MMP16: variants seen among roughly 807,000 people sequenced by gnomAD.
MMP16 encodes matrix metallopeptidase 16, also known as matrix metalloproteinase-16.
In MMP16, 12 loss-of-function variants were observed where a neutral mutation model predicts 67.8. The observed-to-expected ratio is 0.18, with a 90% CI of 0.11 to 0.29. MMP16 has a LOEUF of 0.29. Among genes scored for constraint, MMP16 ranks in the 10% least tolerant of loss-of-function variants. MMP16 has a pLI of 1.00. For synonymous variants in MMP16, 249 were observed against 255.9 expected (o/e 0.97, Z 0.26); for missense variants, 475 against 765.7 (o/e 0.62, Z 4.48).
chr8:88,327,304 G>A lies in MMP16; in HGVS notation c.-98C>T, dbSNP rs1811556695. The A allele has an allele frequency of 1.3e-6, 2 of 1,527,986 alleles. No individual in the cohort carries two copies. Among genetic ancestry groups the A allele is most frequent in the South Asian group, 1.2e-5 (1 of 86,190 alleles). 94.7% of individuals were successfully genotyped at this position (1,527,986 alleles called of 1,614,324 possible). On this transcript the variant is annotated 5_prime_UTR_variant, in exon 1 of 10. Transcript: ENST00000286614. ...GTTTCCTTTCAAAAAAAAGTCCTCC[G>A]GGTGGGTAAGGAGCCTGCAGGTTCA...
intron 4 of MMP16, among the ~76,000 whole-genome samples, chr8:88,120,987 C>G (rs1249339082): frequency 6.6e-6 from 1 of 151,224 alleles, no homozygotes; most frequent in African/African-American, 2.4e-5. Context: ...TGCTTTCAGT[C>G]AAAACTAAAA....
intron 1 of MMP16, among the ~76,000 whole-genome samples, chr8:88,260,040 G>T (rs1169766817): frequency 6.6e-6 from 1 of 152,062 alleles, no homozygotes; most frequent in Non-Finnish European, 1.5e-5. Context: ...GAGGTGAAAA[G>T]CTACATATTC....
At chr8:88,320,134 T>C (rs1362423217) in intron 1 of MMP16, among the ~76,000 whole-genome samples, 1 of 152,186 alleles carries the variant, frequency 6.6e-6, no homozygotes, top group Non-Finnish European at 1.5e-5. Context: ...GAAACCACAC[T>C]GTTTCACACT....
intron 6 of MMP16, among the ~76,000 whole-genome samples, chr8:88,098,757 A>C (rs1563530995): frequency 6.6e-6 from 1 of 151,952 alleles, no homozygotes; most frequent in African/African-American, 2.4e-5. Context: ...TATCAAAGAA[A>C]ATACAAGTAT....
intron 1 of MMP16, among the ~76,000 whole-genome samples, chr8:88,206,289 G>T (rs966074004): frequency 6.6e-6 from 1 of 152,006 alleles, no homozygotes; most frequent in Non-Finnish European, 1.5e-5. Context: ...ATATAGAAAA[G>T]TCCTCAAATA....
Position 88,032,493 on chromosome 8 carries a change from T to C in MMP16, c.*8968A>G, listed in dbSNP as rs1260376461. ...ACTAGTCAACCACTTTATTTAACAA[T>C]GTGCTATGAGGCCTTGATTTACTAA... is the stretch of plus-strand genomic sequence containing the variant. On this transcript the variant is annotated 3_prime_UTR_variant, in exon 10 of 10. Transcript: ENST00000286614. 1 of 152,164 alleles carries C rather than the reference T, an allele frequency of 6.6e-6. No individual in the cohort carries two copies. The highest frequency in any genetic ancestry group is 1.5e-5 in the Non-Finnish European group (1 of 68,024). The allele number at this position is 152,164 out of a possible 1,614,324, so 9.4% of individuals were successfully genotyped here. A position where few individuals can be genotyped will look rare whatever the true frequency, so the allele number is the denominator to read the frequency against.
chr8:88,124,590 G>A (rs1807894785), intron 4 of MMP16, among the ~76,000 whole-genome samples: 3 of 151,932 alleles, frequency 2.0e-5, no homozygotes, highest in South Asian at 4.1e-4. Context: ...ACCCTGTCAA[G>A]CCACCTTCAA....
chr8:88,280,951 T>C (rs939205526), intron 1 of MMP16, among the ~76,000 whole-genome samples: 12 of 152,154 alleles, frequency 7.9e-5, no homozygotes, highest in African/African-American at 2.9e-4. Flanking sequence ...CCCAATATTT[T>C]AATATATCAG....
intron 6 of MMP16, among the ~76,000 whole-genome samples, chr8:88,099,029 A>G (rs1030119279): frequency 2.0e-5 from 3 of 151,812 alleles, no homozygotes; most frequent in Non-Finnish European, 2.9e-5. Flanking sequence ...GAAATAAGTG[A>G]TAAGTTGAAA....
At chr8:88,056,811 C>T (rs1171833086) in intron 7 of MMP16, among the ~76,000 whole-genome samples, 1 of 152,122 alleles carries the variant, frequency 6.6e-6, no homozygotes, top group Non-Finnish European at 1.5e-5. Context: ...CTCATGCCCT[C>T]TTATAACTGT....
At chr8:88,055,398 G>T (rs996059063) in intron 8 of MMP16, among the ~76,000 whole-genome samples, 1 of 152,054 alleles carries the variant, frequency 6.6e-6, no homozygotes, top group Non-Finnish European at 1.5e-5. Context: ...AGTAGAGACG[G>T]GGTTTCGCCA....
chr8:88,318,154 T>C (rs1393383009), intron 1 of MMP16, among the ~76,000 whole-genome samples: 1 of 152,208 alleles, frequency 6.6e-6, no homozygotes, highest in Non-Finnish European at 1.5e-5. Context: ...CACTACATTT[T>C]CTGTATTGTT....
intron 1 of MMP16, among the ~76,000 whole-genome samples, chr8:88,260,244 C>T (rs1318308386): frequency 6.6e-6 from 1 of 152,034 alleles, no homozygotes; most frequent in Non-Finnish European, 1.5e-5. Flanking sequence ...ATTGTCATTC[C>T]TATGAAACAG....
rs1420965439 is a variant in MMP16, at chr8:88,033,070, T to C, written c.*8391A>G. ...TTATTTAAATAAAGTCTGTATTAAT[T>C]TTAATTCTTTTACTTTCCCATAACC... On this transcript the variant is annotated 3_prime_UTR_variant, in exon 10 of 10. Transcript: ENST00000286614. 5.9e-5 allele frequency: 9 copies of C among 151,964 alleles called. No individual in the cohort carries two copies. Among genetic ancestry groups the C allele is most frequent in the Non-Finnish European group, 2.9e-5 (2 of 67,910 alleles). The allele number at this position is 151,964 out of a possible 1,614,324, so 9.4% of individuals were successfully genotyped here. A position where few individuals can be genotyped will look rare whatever the true frequency, so the allele number is the denominator to read the frequency against.
intron 4 of MMP16, among the ~76,000 whole-genome samples, chr8:88,163,864 G>A (rs1301286903): frequency 6.6e-6 from 1 of 151,972 alleles, no homozygotes; most frequent in Admixed American, 6.6e-5. Flanking sequence ...AGTTAATGAT[G>A]TTAACTGTTT....
In MMP16 at chr8:88,300,520, C is replaced by T. The variant is rs28904268; in HGVS notation, c.132+26555G>A. Among the ~76,000 whole-genome samples the T allele has an allele frequency of 9.4e-3, 1,435 of 152,246 alleles. 15 individuals carry two copies. The highest frequency in any genetic ancestry group is 0.037 in the South Asian group (177 of 4,826). On this transcript the variant is annotated intron_variant, in intron 1 of 9. Transcript: ENST00000286614. Reference sequence around the variant, plus strand: ...TACCTCTCTCTGTTATCAGATCACCCGTTGTGAGATAACAGTGCTTGCATT... The same window carrying T: ...TACCTCTCTCTGTTATCAGATCACCTGTTGTGAGATAACAGTGCTTGCATT...
intron 4 of MMP16, among the ~76,000 whole-genome samples, chr8:88,164,890 A>C (rs973823827): frequency 2.0e-5 from 3 of 151,812 alleles, no homozygotes; most frequent in African/African-American, 7.3e-5. Flanking sequence ...ATATTTCAGA[A>C]TTTCTTCCCA....
chr8:88,069,313 A>T (rs2664347), intron 7 of MMP16: 269,806 of 360,758 alleles, frequency 0.75, 101,707 homozygotes, highest in African/African-American at 0.85. Flanking sequence ...TTTGGTGTTT[A>T]CGAATGCAAT....
intron 1 of MMP16, among the ~76,000 whole-genome samples, chr8:88,269,802 G>A (rs1810537033): frequency 6.6e-6 from 1 of 152,138 alleles, no homozygotes; most frequent in Non-Finnish European, 1.5e-5. Flanking sequence ...TGTTGCTGGA[G>A]ACTCATTTCA....
Sources: gnomAD v4.1 joint callset for allele counts (sites outside exome capture counted in the v4.1 genomes callset) on GRCh38, gnomAD v4.1.1 for gene constraint, MANE v1.5 for transcripts, NCBI Gene and HGNC (gene_info 2026-07-23, HGNC 2026-07-21) for gene names.